The following PPIC variants were observed in gnomAD, a reference collection of about 807,000 sequenced individuals.
PPIC encodes the protein peptidyl-prolyl cis-trans isomerase C.
In PPIC, 19 loss-of-function variants were observed where a neutral mutation model predicts 19.5. That is an observed-to-expected ratio of 0.98 (90% CI 0.68 to 1.43). The LOEUF is 1.43. Among genes scored for constraint, PPIC ranks in the 40% most tolerant of loss-of-function variants. The probability of loss-of-function intolerance (pLI) is 0.00; values close to 1 mark genes in which losing one functional copy is unlikely to be tolerated. For missense variants in PPIC, 268 were observed against 268.6 expected (o/e 1.00, Z 0.02); for synonymous variants, 107 against 101.2 (o/e 1.06, Z -0.34).
rs141769515 is a variant in PPIC, at chr5:123,025,905, C to T, written c.389G>A (p.Gly130Glu). Reference protein sequence around the residue: ...ENFKLKHYGIGWVSMANAGPD... With the variant: ...ENFKLKHYGIEWVSMANAGPD... ...CCCAGCGTTGGCCATGCTGACCCAC[C>T]CAATGCCATAGTGCTTCAGCTTGAA... The change falls in exon 4 of 5, where the codon GGG (glycine) becomes GAG (glutamate). Residue 130 changes from glycine (G) to glutamate (E), a missense_variant. Physicochemically the swap from Gly to Glu is moderately conservative, Grantham distance 98 (BLOSUM62 -2). Transcript: ENST00000306442. 1.2e-4 allele frequency: 191 copies of T among 1,613,662 alleles called. No homozygotes were observed. The highest frequency in any genetic ancestry group is 1.6e-4 in the Non-Finnish European group (185 of 1,179,952).
chr5:123,034,368 T>G (rs1384493095), intron 1 of PPIC, among the ~76,000 whole-genome samples: 1 of 152,162 alleles, frequency 6.6e-6, no homozygotes, highest in Non-Finnish European at 1.5e-5. Flanking sequence ...GTAGGGTGCA[T>G]GCAAACTCTC....
chr5:123,029,534 AT>A, intron 1 of PPIC, 116 bp from the exon 2 acceptor site: 1 of 1,422,060 alleles, frequency 7.0e-7, no homozygotes, highest in Non-Finnish European at 9.2e-7. Flanking sequence ...GCCCATCAGT[AT>A]TTTGTAAAGG....
Position 123,028,880 on chromosome 5 carries a change from A to G in PPIC, c.232-12T>C, listed in dbSNP as rs1438142288. The G allele has an allele frequency of 6.3e-7, 1 of 1,575,706 alleles. No homozygotes were observed. Among genetic ancestry groups the G allele is most frequent in the Non-Finnish European group, 8.7e-7 (1 of 1,146,126 alleles). On this transcript the variant is annotated splice_polypyrimidine_tract_variant and intron_variant, in intron 2 of 4. Coordinates refer to ENST00000306442, the MANE Select transcript of PPIC (RefSeq NM_000943.5). The stretch of plus-strand genomic sequence containing the variant: ...TATCCATATCCTTTCTAAAGAGATT[A>G]CTTCAGTTGAATAACAAGTAACAGA...
In PPIC at chr5:123,036,567, A is replaced by G. The variant is rs756443278; in HGVS notation, c.59T>C (p.Leu20Pro). 4.4e-6 allele frequency: 7 copies of G among 1,601,884 alleles called. No individual in the cohort carries two copies. Among genetic ancestry groups the G allele is most frequent in the Middle Eastern group, 3.3e-4 (2 of 6,058 alleles). The change falls in exon 1 of 5, where the codon CTT becomes CCT. Residue 20 changes from leucine to proline, a missense_variant. Physicochemically the swap from Leu to Pro is moderately conservative, Grantham distance 98 (BLOSUM62 -3). Coordinates refer to ENST00000306442, the MANE Select transcript of PPIC (RefSeq NM_000943.5). This position sits in a 1 kb window ranked among gnomAD's most constrained non-coding sequence, Gnocchi z 4.5. ...PLVLCVGLGA[L>P]VFSSGAEGFR... ...GCCCTCGGCCCCCGAAGAAAACACA[A>G]GTGCGCCGAGCCCCACGCAAAGCAC...
chr5:123,034,143 A>C (rs1026597724), intron 1 of PPIC, among the ~76,000 whole-genome samples: 9 of 152,200 alleles, frequency 5.9e-5, no homozygotes, highest in African/African-American at 2.2e-4. Context: ...AAAACAATAC[A>C]CTAGAGCAAT....
intron 3 of PPIC, among the ~76,000 whole-genome samples, chr5:123,026,441 A>G (rs1866107): frequency 0.18 from 26,852 of 152,186 alleles, 2,867 homozygotes; most frequent in East Asian, 0.49. Context: ...AGCATTCAAT[A>G]TATACCCACA....
chr5:123,028,303 T>C (rs967139281), intron 3 of PPIC, among the ~76,000 whole-genome samples: 2 of 152,180 alleles, frequency 1.3e-5, no homozygotes, highest in African/African-American at 4.8e-5. Flanking sequence ...TTTGTCAATA[T>C]GATGAAAGAT....
rs190810674 is a variant in PPIC, at chr5:123,025,842, G to C, written c.452C>G (p.Thr151Ser). The C allele has an allele frequency of 6.2e-7, 1 of 1,614,114 alleles. No homozygotes were observed. The highest frequency in any genetic ancestry group is 8.5e-7 in the Non-Finnish European group (1 of 1,180,028). ...TNGSQFFITLTKPTWLDGKHV... is the reference protein window; with the variant it reads ...TNGSQFFITLSKPTWLDGKHV... ...TTTGCCGTCCAACCAGGTGGGCTTG[G>C]TCAAGGTGATAAAGAACTGAGAGCC... is the stretch of plus-strand genomic sequence containing the variant. The change falls in exon 4 of 5, where the codon ACC becomes AGC. Residue 151 changes from threonine to serine, a missense_variant. Coordinates refer to ENST00000306442, the MANE Select transcript of PPIC (RefSeq NM_000943.5).
chr5:123,033,257 A>G (rs1013526185), intron 1 of PPIC, among the ~76,000 whole-genome samples: 14 of 152,234 alleles, frequency 9.2e-5, no homozygotes, highest in African/African-American at 3.1e-4. Context: ...ACTATGGACT[A>G]TGTGCTTTAC....
intron 1 of PPIC, among the ~76,000 whole-genome samples, chr5:123,031,791 CATTT>C (rs1339344042): frequency 6.6e-6 from 1 of 152,040 alleles, no homozygotes; most frequent in Admixed American, 6.6e-5. Flanking sequence ...ACAGAAAAGG[CATTT>C]ATTTATTTAC....
intron 1 of PPIC, among the ~76,000 whole-genome samples, chr5:123,035,513 C>A (rs1186305255): frequency 6.6e-6 from 1 of 152,188 alleles, no homozygotes; most frequent in Non-Finnish European, 1.5e-5. Context: ...CTCCCCACCC[C>A]CTAGTCCTCC....
rs998049379 is a variant in PPIC at position 123,023,465 on chromosome 5, C to T, written c.*410G>A. On this transcript the variant is annotated 3_prime_UTR_variant, in exon 5 of 5. Transcript: ENST00000306442. ...TCCCTATGACATATCTCAGATTACA[C>T]TAGTCAAATTTCCCTTTATCTGAAT... 5.2e-5 allele frequency: 8 copies of T among 153,536 alleles called. No individual in the cohort carries two copies. The highest frequency in any genetic ancestry group is 2.6e-4 in the Admixed American group (4 of 15,372). The allele number at this position is 153,536 out of a possible 1,614,324, so 9.5% of individuals were successfully genotyped here. A position where few individuals can be genotyped will look rare whatever the true frequency, so the allele number is the denominator to read the frequency against.
chr5:123,026,641 C>G (rs780533359), intron 3 of PPIC, among the ~76,000 whole-genome samples: 1 of 152,174 alleles, frequency 6.6e-6, no homozygotes, highest in Non-Finnish European at 1.5e-5. Flanking sequence ...TTGGTCACAG[C>G]AACTTCAGGA....
intron 3 of PPIC, among the ~76,000 whole-genome samples, chr5:123,027,097 G>A (rs1397684127): frequency 1.3e-5 from 2 of 152,138 alleles, no homozygotes; most frequent in East Asian, 1.9e-4. Context: ...GGGAGTCTGA[G>A]GCAGGAGAAT....
Position 123,023,831 on chromosome 5 carries a change from C to T in PPIC, c.*44G>A, listed in dbSNP as rs566741336. 1.2e-6 allele frequency: 2 copies of T among 1,606,818 alleles called. No homozygotes were observed. The highest frequency in any genetic ancestry group is 2.7e-5 in the African/African-American group (2 of 74,594). On this transcript the variant is annotated 3_prime_UTR_variant, in exon 5 of 5. Coordinates refer to ENST00000306442, the MANE Select transcript of PPIC (RefSeq NM_000943.5). ...CAACACACACACACACACACACACA[C>T]ACACACCCCTGCCAAAGCATATCCT...
In PPIC at chr5:123,023,970, C is replaced by G. The variant is rs1165072181; in HGVS notation, c.544G>C (p.Asp182His). ...TTGGTGAGTGGACGGTCATGCCCATCAGTTGCTTGGAGCTCTATGGAGTGC... is the reference window on the plus strand; with the variant it reads ...TTGGTGAGTGGACGGTCATGCCCATGAGTTGCTTGGAGCTCTATGGAGTGC... ...VVHSIELQATDGHDRPLTNCS... is the reference protein window; with the variant it reads ...VVHSIELQATHGHDRPLTNCS... Residue 182 changes from aspartate to histidine, a missense_variant, in exon 5 of 5, where the codon GAT (aspartate) becomes CAT (histidine). Physicochemically the swap from Asp to His is moderately conservative, Grantham distance 81. Transcript: ENST00000306442. The G allele has an allele frequency of 1.9e-6, 3 of 1,613,904 alleles. No homozygotes were observed. In the African/African-American group the frequency reaches 4.0e-5, roughly 22 times the overall value.
At chr5:123,033,117 G>A (rs1173162786) in intron 1 of PPIC, among the ~76,000 whole-genome samples, 5 of 152,206 alleles carry the variant, frequency 3.3e-5, no homozygotes, top group East Asian at 1.9e-4. Flanking sequence ...ACTTCAGCAA[G>A]TTAATTAAAC....
chr5:123,025,771 T>C lies in PPIC; in HGVS notation c.510+13A>G. 6.2e-7 allele frequency: 1 copy of C among 1,607,582 alleles called. No homozygotes were observed. Among genetic ancestry groups the C allele is most frequent in the Non-Finnish European group, 8.5e-7 (1 of 1,177,898 alleles). Reference sequence around the variant, plus strand: ...ATATAAAGCTTTGAAAGGAAAAAAATGTATCAATTTACCATCCCATCAATG... The same window carrying C: ...ATATAAAGCTTTGAAAGGAAAAAAACGTATCAATTTACCATCCCATCAATG... On this transcript the variant is annotated intron_variant, in intron 4 of 4. Transcript: ENST00000306442.
intron 3 of PPIC, 125 bp from the exon 4 acceptor site, chr5:123,026,093 G>T: frequency 1.3e-6 from 1 of 779,306 alleles, no homozygotes; most frequent in Non-Finnish European, 2.0e-6. Context: ...GGGAAGACAT[G>T]TTCAAACATA....
Sources: allele counts gnomAD v4.1 joint callset (sites outside exome capture counted in the v4.1 genomes callset), GRCh38; gene constraint gnomAD v4.1.1; non-coding constraint Gnocchi (gnomAD v3.1); transcripts MANE v1.5; gene names NCBI Gene and HGNC (gene_info 2026-07-23, HGNC 2026-07-21).